ARFRP1: variants seen among roughly 807,000 people sequenced by gnomAD.
The protein encoded by ARFRP1 is ARF related protein 1.
Under a neutral mutation model 30.3 loss-of-function variants are expected in ARFRP1, and 19 were observed. The ratio of observed to expected loss-of-function variants is 0.63; its 90% CI spans 0.44 to 0.92. ARFRP1 has a LOEUF of 0.92. ARFRP1 is among the 40% of genes least tolerant of loss of function. The probability of loss-of-function intolerance (pLI) is 0.00; values close to 1 mark genes in which losing one functional copy is unlikely to be tolerated. For synonymous variants in ARFRP1, 133 were observed against 114.2 expected, an observed-to-expected ratio of 1.16 and a Z score of -1.05; for missense variants, 245 against 267.5, an observed-to-expected ratio of 0.92 and a Z score of 0.59.
In ARFRP1 at chr20:63,706,308, G is replaced by A. The variant is rs1353950844; in HGVS notation, c.264+49C>T. ...GGCCCAAAGGGCACTCTGGAAAGAAGTGGCACTGGAGGGCTGGGGTGGGGG... is the reference window on the plus strand; with the variant it reads ...GGCCCAAAGGGCACTCTGGAAAGAAATGGCACTGGAGGGCTGGGGTGGGGG... On this transcript the variant is annotated intron_variant, in intron 4 of 7. Transcript: ENST00000622789. 4.5e-6 allele frequency: 7 copies of A among 1,543,384 alleles called. No homozygotes were observed. The Admixed American group carries it at 1.0e-4, about 22-fold the overall frequency.
At position 63,698,785 on chromosome 20, in the gene ARFRP1, G is replaced by A. The variant is rs758052580; in HGVS notation, c.*1658C>T. On this transcript the variant is annotated 3_prime_UTR_variant, in exon 8 of 8. Transcript: ENST00000622789. ...CTGCCTGCCATCAGAACTGCTGCCC[G>A]GGGCTTCCCCTACCTCAGACAGACC... 2.7e-5 allele frequency: 13 copies of A among 483,138 alleles called. No homozygotes were observed. Among genetic ancestry groups the A allele is most frequent in the Admixed American group, 8.5e-5 (2 of 23,568 alleles). The allele number at this position is 483,138 out of a possible 1,614,324, so 29.9% of individuals were successfully genotyped here.
chr20:63,706,773 A>T (rs1289471082), intron 2 of ARFRP1, 35 bp from the exon 3 acceptor site: 2 of 1,529,462 alleles, frequency 1.3e-6, no homozygotes, highest in Admixed American at 3.3e-5. Context: ...CACATCAAGG[A>T]GGGGCTATAC....
intron 4 of ARFRP1, 67 bp from the exon 5 acceptor site, chr20:63,702,284 G>C: frequency 6.8e-7 from 1 of 1,460,980 alleles, no homozygotes; most frequent in East Asian, 2.3e-5. Flanking sequence ...AGCCAGGCCT[G>C]TGTCATGGCC....
intron 1 of ARFRP1, chr20:63,707,390 G>T: frequency 3.2e-6 from 1 of 309,848 alleles, no homozygotes; most frequent in Non-Finnish European, 6.1e-6. Context: ...GAGCTCAGCC[G>T]CGCTCCCGCC....
At position 63,699,490 on chromosome 20, in the gene ARFRP1, G is replaced by A. The variant is rs1395183313; in HGVS notation, c.*953C>T. The stretch of plus-strand genomic sequence containing the variant: ...ACAGCCAGGAGCCTCCACCCTCCAG[G>A]AGGGAAGGGATGGACAGAGCCACAC... On this transcript the variant is annotated 3_prime_UTR_variant, in exon 8 of 8. Coordinates refer to ENST00000622789, the MANE Select transcript of ARFRP1 (RefSeq NM_001267547.3). 2 of 152,432 alleles carry A rather than the reference G, an allele frequency of 1.3e-5. No individual in the cohort carries two copies. Among genetic ancestry groups the A allele is most frequent in the Non-Finnish European group, 2.9e-5 (2 of 68,166 alleles). 9.4% of individuals were successfully genotyped at this position (152,432 alleles called of 1,614,324 possible).
intron 7 of ARFRP1, 29 bp from the exon 8 acceptor site, chr20:63,700,559 G>C: frequency 6.2e-7 from 1 of 1,610,584 alleles, no homozygotes; most frequent in Non-Finnish European, 8.5e-7. Flanking sequence ...TGAGGCGGGG[G>C]GTCTCGGTCC....
At chr20:63,702,552 C>T in intron 4 of ARFRP1, 1 of 345,800 alleles carries the variant, frequency 2.9e-6, no homozygotes. Flanking sequence ...CACTTCACGG[C>T]CAACCTGGGC....
rs137883585 is a variant in ARFRP1 at position 63,707,026 on chromosome 20, G to T, written c.66C>A (p.Ile22=). The T allele has an allele frequency of 6.2e-7, 1 of 1,613,894 alleles. No homozygotes were observed. Among genetic ancestry groups the T allele is most frequent in the East Asian group, 2.2e-5 (1 of 44,884 alleles). ...TCTTCCCAGCATTGTCCAGGCCCAGGATCAGGATGCAGTACTCGTCCTTCT... is the reference window on the plus strand; with the variant it reads ...TCTTCCCAGCATTGTCCAGGCCCAGTATCAGGATGCAGTACTCGTCCTTCT... ...MFQKDEYCIL[I]LGLDNAGKTT... is the part of the protein sequence containing the mutation. The change falls in exon 2 of 8, where the codon ATC becomes ATA. Residue 22 remains isoleucine (I), a synonymous_variant. Transcript: ENST00000622789.
At chr20:63,706,923 T>G (rs2091502621) in intron 2 of ARFRP1, 76 bp downstream of exon 2, 1 of 1,551,202 alleles carries the variant, frequency 6.4e-7, no homozygotes, top group Non-Finnish European at 8.9e-7. Flanking sequence ...GTAGTGAACG[T>G]GCAGCTGACA....
intron 1 of ARFRP1, 135 bp from the exon 2 acceptor site, chr20:63,707,232 C>G (rs189261646): frequency 7.2e-6 from 5 of 695,828 alleles, no homozygotes; most frequent in Middle Eastern, 2.4e-4. Context: ...CCCGACTCCT[C>G]GTCCCTCTCC....
chr20:63,706,571 G>A (rs2091474856), intron 3 of ARFRP1, 80 bp downstream of exon 3: 4 of 1,519,076 alleles, frequency 2.6e-6, no homozygotes, highest in African/African-American at 2.7e-5. Flanking sequence ...CGACAGGGCT[G>A]TGGCCACGGG....
Position 63,700,676 on chromosome 20 carries a change from C to T in ARFRP1, c.444G>A (p.Lys148=), listed in dbSNP as rs183956106. 3.7e-6 allele frequency: 6 copies of T among 1,611,048 alleles called. No homozygotes were observed. The highest frequency in any genetic ancestry group is 2.2e-5 in the East Asian group (1 of 44,882). Residue 148 remains lysine, a synonymous_variant, in exon 7 of 8, where the codon AAG becomes AAA. Transcript: ENST00000622789. ...VETCLSIPDI[K]TAFSDCTSKI... Reference sequence around the variant, plus strand: ...TGCTGGTGCAGTCGCTGAAGGCCGTCTTGATGTCAGGGATTGAGAGGCACG... The same window carrying T: ...TGCTGGTGCAGTCGCTGAAGGCCGTTTTGATGTCAGGGATTGAGAGGCACG...
rs373423580 is a variant in ARFRP1, at chr20:63,699,431, CCT to C, written c.*1010_*1011del. Reference sequence around the variant, plus strand: ...GGAGCCCCTCACCTGCCCACCAGCCCCTGAGCAGCCCAGTAACACCATCACCG... The same window carrying C: ...GGAGCCCCTCACCTGCCCACCAGCCCGAGCAGCCCAGTAACACCATCACCG... On this transcript the variant is annotated 3_prime_UTR_variant, in exon 8 of 8. Transcript: ENST00000622789. The C allele has an allele frequency of 6.2e-4, 94 of 152,728 alleles. 2 individuals carry two copies. The East Asian group carries it at 0.016, about 25-fold the overall frequency. The allele number at this position is 152,728 out of a possible 1,614,324, so 9.5% of individuals were successfully genotyped here.
At chr20:63,702,059 C>G in intron 5 of ARFRP1, 77 bp downstream of exon 5, 1 of 1,506,042 alleles carries the variant, frequency 6.6e-7, no homozygotes, top group Non-Finnish European at 9.1e-7. Flanking sequence ...TGAGCCTGCC[C>G]CAGGCACAGA....
rs2091512837 is a variant in ARFRP1 at position 63,707,051 on chromosome 20, T to G, written c.41A>C (p.Gln14Pro). The change falls in exon 2 of 8, where the codon CAG becomes CCG. Residue 14 changes from glutamine to proline, a missense_variant. By Grantham distance (76) the Gln-to-Pro change is moderately conservative. Transcript: ENST00000622789. ...GATCAGGATGCAGTACTCGTCCTTC[T>G]GAAACATGTACTTGTACAAGCCCGA... ...LLSGLYKYMFQKDEYCILILG... is the reference protein window; with the variant it reads ...LLSGLYKYMFPKDEYCILILG... 6.2e-7 allele frequency: 1 copy of G among 1,613,868 alleles called. No individual in the cohort carries two copies. Among genetic ancestry groups the G allele is most frequent in the Non-Finnish European group, 8.5e-7 (1 of 1,179,986 alleles).
Position 63,702,144 on chromosome 20 carries a change from T to G in ARFRP1, c.338A>C (p.Gln113Pro). ...AGCCAGGCCGCACTCACCAAACGCC[T>G]GCTTGGACTCAGCCAGCCTCTCCTC... Reference protein sequence around the residue: ...TDEERLAESKQAFEKVVTSEA... With the variant: ...TDEERLAESKPAFEKVVTSEA... The change falls in exon 5 of 8, where the codon CAG becomes CCG. Residue 113 changes from glutamine to proline, a missense_variant. Gln to Pro is a moderately conservative substitution (Grantham distance 76, BLOSUM62 -1). Transcript: ENST00000622789. 6.2e-7 allele frequency: 1 copy of G among 1,611,210 alleles called. No individual in the cohort carries two copies. The highest frequency in any genetic ancestry group is 8.5e-7 in the Non-Finnish European group (1 of 1,179,610).
In ARFRP1 at chr20:63,699,248, C is replaced by CG. The variant is rs983331852; in HGVS notation, c.*1194dup. On this transcript the variant is annotated 3_prime_UTR_variant, in exon 8 of 8. Transcript: ENST00000622789. ...CACACAGGGTCCCCTGGAGAGGACGCGGGGACTTCCAGGGCCCGACTCCTG... is the reference window on the plus strand; with the variant it reads ...CACACAGGGTCCCCTGGAGAGGACGCGGGGGACTTCCAGGGCCCGACTCCTG... 6.6e-6 allele frequency: 1 copy of CG among 152,180 alleles called. No homozygotes were observed. Among genetic ancestry groups the CG allele is most frequent in the African/African-American group, 2.4e-5 (1 of 41,404 alleles). The allele number at this position is 152,180 out of a possible 1,614,324, so 9.4% of individuals were successfully genotyped here. A position where few individuals can be genotyped will look rare whatever the true frequency, so the allele number is the denominator to read the frequency against.
Position 63,706,377 on chromosome 20 carries a change from G to C in ARFRP1, c.244C>G (p.Leu82Val). ...MFWDLGGQEE[L>V]QSLWDKYYAE... ...CTTACCTTGTCCCACAAAGACTGCA[G>C]CTCTTCCTGCCCTCCTAAGTCCCAG... The change falls in exon 4 of 8, where the codon CTG becomes GTG. Residue 82 changes from leucine to valine, a missense_variant. Leu to Val is a conservative substitution (Grantham distance 32). Coordinates refer to ENST00000622789, the MANE Select transcript of ARFRP1 (RefSeq NM_001267547.3). 1 of 1,613,438 alleles carries C rather than the reference G, an allele frequency of 6.2e-7. No homozygotes were observed. The highest frequency in any genetic ancestry group is 8.5e-7 in the Non-Finnish European group (1 of 1,179,988).
chr20:63,705,743 T>C, intron 4 of ARFRP1: 1 of 533,136 alleles, frequency 1.9e-6, no homozygotes, highest in Non-Finnish European at 3.8e-6. Context: ...AGGCACTCAC[T>C]TTGGAGGAGT....
Sources: gnomAD v4.1 joint callset for allele counts on GRCh38, gnomAD v4.1.1 for gene constraint, MANE v1.5 for transcripts, NCBI Gene and HGNC (gene_info 2026-07-23, HGNC 2026-07-21) for gene names.